The following OSBPL6 variants were observed in gnomAD, a reference collection of about 807,000 sequenced individuals.
The protein encoded by OSBPL6 is oxysterol-binding protein-related protein 6.
OSBPL6 carries 49 observed loss-of-function variants against 125.8 expected under a neutral mutation model. The ratio of observed to expected loss-of-function variants is 0.39; its 90% CI spans 0.31 to 0.49. The LOEUF is 0.49. Ranked by LOEUF, OSBPL6 falls within the 20% of genes least tolerant of loss-of-function variation. The pLI is 0.88. For synonymous variants in OSBPL6, 394 were observed against 391.8 expected, an observed-to-expected ratio of 1.01 and a Z score of -0.07; for missense variants, 986 against 1,135.4, an observed-to-expected ratio of 0.87 and a Z score of 1.89.
intron 13 of OSBPL6, among the ~76,000 whole-genome samples, chr2:178,366,545 T>C (rs1692848223): frequency 6.6e-6 from 1 of 152,186 alleles, no homozygotes; most frequent in Non-Finnish European, 1.5e-5. Context: ...CTGCTGTCAA[T>C]TGAACTGACA....
intron 13 of OSBPL6, among the ~76,000 whole-genome samples, chr2:178,366,652 T>C (rs1692862548): frequency 6.6e-6 from 1 of 152,218 alleles, no homozygotes; most frequent in Admixed American, 6.5e-5. Context: ...TAACATACTA[T>C]ATAGTAGCAT....
At chr2:178,269,745 C>A (rs186749787) in intron 1 of OSBPL6, among the ~76,000 whole-genome samples, 2 of 152,190 alleles carry the variant, frequency 1.3e-5, no homozygotes, top group African/African-American at 4.8e-5. Flanking sequence ...TTCCTACTGC[C>A]ACATGCTCAG....
At chr2:178,363,812 A>C (rs1053564639) in intron 13 of OSBPL6, among the ~76,000 whole-genome samples, 2 of 152,206 alleles carry the variant, frequency 1.3e-5, no homozygotes, top group Non-Finnish European at 2.9e-5. Flanking sequence ...TTTACAAAAA[A>C]ATCTCAATTT....
At chr2:178,362,417 T>G (rs1196302034) in intron 13 of OSBPL6, among the ~76,000 whole-genome samples, 1 of 152,222 alleles carries the variant, frequency 6.6e-6, no homozygotes, top group African/African-American at 2.4e-5. Flanking sequence ...AAGTTGAAAT[T>G]TCTGATAAAA....
intron 2 of OSBPL6, among the ~76,000 whole-genome samples, chr2:178,286,894 A>C (rs1012633917): frequency 1.3e-5 from 2 of 152,170 alleles, no homozygotes; most frequent in Non-Finnish European, 2.9e-5. Context: ...TACCTCCATC[A>C]CAGTGAGTTG....
At chr2:178,250,102 G>C (rs1182857002) in intron 1 of OSBPL6, among the ~76,000 whole-genome samples, 3 of 152,190 alleles carry the variant, frequency 2.0e-5, no homozygotes, top group Non-Finnish European at 4.4e-5. Context: ...TGGCACAGAT[G>C]CTAACACAGA....
chr2:178,236,172 A>T (rs2091044492), intron 1 of OSBPL6, among the ~76,000 whole-genome samples: 1 of 152,204 alleles, frequency 6.6e-6, no homozygotes, highest in Admixed American at 6.5e-5. Context: ...GAACATGCTT[A>T]TGCTAAAGGT....
Position 178,224,872 on chromosome 2 carries a change from T to C in OSBPL6, c.-351+30198T>C, listed in dbSNP as rs369796364. ...ATCGCTCAAGCCCGGATGGCAGAGA[T>C]TGCAGTGAGCTGAGATTGTACCACT... On this transcript the variant is annotated intron_variant, in intron 1 of 24. Transcript: ENST00000190611. Among the ~76,000 whole-genome samples the C allele has an allele frequency of 1.6e-4, 24 of 152,272 alleles. 1 individual carries two copies. Among genetic ancestry groups the C allele is most frequent in the African/African-American group, 5.8e-4 (24 of 41,548 alleles).
intron 1 of OSBPL6, among the ~76,000 whole-genome samples, chr2:178,203,186 T>G (rs1333765029): frequency 2.0e-5 from 3 of 152,190 alleles, no homozygotes; most frequent in Non-Finnish European, 4.4e-5. Flanking sequence ...TTAGTTTCTT[T>G]TAACTTTTTT....
In OSBPL6 at chr2:178,399,180, A is replaced by G. The variant is rs936836273; in HGVS notation, c.*3621A>G. 4 of 152,210 alleles carry G rather than the reference A, an allele frequency of 2.6e-5. No homozygotes were observed. Among genetic ancestry groups the G allele is most frequent in the Non-Finnish European group, 5.9e-5 (4 of 68,040 alleles). 9.4% of individuals were successfully genotyped at this position (152,210 alleles called of 1,614,324 possible). A position where few individuals can be genotyped will look rare whatever the true frequency, so the allele number is the denominator to read the frequency against. On this transcript the variant is annotated 3_prime_UTR_variant, in exon 25 of 25. Coordinates refer to ENST00000190611, the MANE Select transcript of OSBPL6 (RefSeq NM_032523.4). Reference sequence around the variant, plus strand: ...AATGTATCTAATTAAACAATTTTGAATCTATTTTGTGCTCTAGAAATGTTC... The same window carrying G: ...AATGTATCTAATTAAACAATTTTGAGTCTATTTTGTGCTCTAGAAATGTTC...
At chr2:178,219,590 G>A (rs1198344298) in intron 1 of OSBPL6, among the ~76,000 whole-genome samples, 1 of 152,192 alleles carries the variant, frequency 6.6e-6, no homozygotes, top group Non-Finnish European at 1.5e-5. Context: ...ATATGTGTCA[G>A]CCTCCGAATG....
chr2:178,244,693 A>G (rs1193524261), intron 1 of OSBPL6, among the ~76,000 whole-genome samples: 2 of 152,200 alleles, frequency 1.3e-5, no homozygotes, highest in African/African-American at 4.8e-5. Flanking sequence ...GAGGGAGACT[A>G]CTGCTTATGC....
At chr2:178,365,735 A>G (rs1156690629) in intron 13 of OSBPL6, among the ~76,000 whole-genome samples, 1 of 152,212 alleles carries the variant, frequency 6.6e-6, no homozygotes, top group African/African-American at 2.4e-5. Flanking sequence ...ACAAAAACAT[A>G]TATAATTCTA....
intron 1 of OSBPL6, among the ~76,000 whole-genome samples, chr2:178,214,215 T>C (rs1395203271): frequency 1.3e-5 from 2 of 152,198 alleles, no homozygotes; most frequent in South Asian, 2.1e-4. Context: ...TTTGAACTTA[T>C]GTTTGAATAT....
intron 11 of OSBPL6, among the ~76,000 whole-genome samples, chr2:178,347,996 G>A (rs1178363105): frequency 1.3e-5 from 2 of 152,134 alleles, no homozygotes; most frequent in Admixed American, 1.3e-4. Flanking sequence ...TCAGAAGGAC[G>A]CTCTGTCTCA....
At chr2:178,245,894 G>A (rs1307081590) in intron 1 of OSBPL6, among the ~76,000 whole-genome samples, 1 of 152,192 alleles carries the variant, frequency 6.6e-6, no homozygotes, top group Non-Finnish European at 1.5e-5. Flanking sequence ...ACATCCTATA[G>A]GAATTCGGGG....
At chr2:178,335,837 G>A (rs1250677852) in intron 8 of OSBPL6, among the ~76,000 whole-genome samples, 2 of 152,036 alleles carry the variant, frequency 1.3e-5, no homozygotes, top group Non-Finnish European at 2.9e-5. Context: ...TTTCCAATAC[G>A]AATTCAAGGC....
intron 1 of OSBPL6, among the ~76,000 whole-genome samples, chr2:178,211,269 C>G (rs868845731): frequency 2.0e-5 from 3 of 152,136 alleles, no homozygotes; most frequent in Non-Finnish European, 4.4e-5. Context: ...GATCCTATCT[C>G]AAAAACAAAC....
Position 178,401,318 on chromosome 2 carries a change from C to A in OSBPL6, c.*5759C>A, listed in dbSNP as rs1441989516. The A allele has an allele frequency of 6.6e-6, 1 of 152,208 alleles. No homozygotes were observed. Among genetic ancestry groups the A allele is most frequent in the African/African-American group, 2.4e-5 (1 of 41,440 alleles). The allele number at this position is 152,208 out of a possible 1,614,324, so 9.4% of individuals were successfully genotyped here. A position where few individuals can be genotyped will look rare whatever the true frequency, so the allele number is the denominator to read the frequency against. ...TCACAAACATTTGAAACACCCAGTGCTCAAGAATGCTGCTTTTCCAATTCT... is the reference window on the plus strand; with the variant it reads ...TCACAAACATTTGAAACACCCAGTGATCAAGAATGCTGCTTTTCCAATTCT... On this transcript the variant is annotated 3_prime_UTR_variant, in exon 25 of 25. Coordinates refer to ENST00000190611, the MANE Select transcript of OSBPL6 (RefSeq NM_032523.4).
Sources: gnomAD v4.1 joint callset for allele counts (sites outside exome capture counted in the v4.1 genomes callset) on GRCh38, gnomAD v4.1.1 for gene constraint, MANE v1.5 for transcripts, NCBI Gene and HGNC (gene_info 2026-07-23, HGNC 2026-07-21) for gene names.